DLG2: variants seen among roughly 807,000 people sequenced by gnomAD.
The protein encoded by DLG2 is disks large homolog 2.
In DLG2, 45 loss-of-function variants were observed where a neutral mutation model predicts 132.5. The observed-to-expected ratio is 0.34, with a 90% CI of 0.27 to 0.44. DLG2 has a LOEUF of 0.44. DLG2 is among the 20% of genes least tolerant of loss of function. The pLI, the probability that DLG2 is intolerant of heterozygous loss-of-function variation, is 1.00. For missense variants in DLG2, 1,045 were observed against 1,196.9 expected (o/e 0.87, Z 1.87); for synonymous variants, 424 against 419.6 (o/e 1.01, Z -0.13).
At position 85,003,685 on chromosome 11, in the gene DLG2, G is replaced by C. The variant is rs1316060702; in HGVS notation, c.357+107976C>G. On this transcript the variant is annotated intron_variant, in intron 6 of 27. Coordinates refer to ENST00000376104, the MANE Select transcript of DLG2 (RefSeq NM_001142699.3). The stretch of plus-strand genomic sequence containing the variant: ...TGATTTTTGCCATTGATAACTTCTA[G>C]TCCTATAGATAGATGGATAATTAGT... Among the ~76,000 whole-genome samples the C allele has an allele frequency of 3.3e-5, 5 of 151,962 alleles. No individual in the cohort carries two copies. The South Asian group carries it at 1.0e-3, about 32-fold the overall frequency.
rs114228867 is a variant in DLG2, at chr11:83,797,357, G to C, written c.1723-10565C>G. ...AATTCCCTTAGCCCTCATAACAACT[G>C]TGTGAAGTAAGAACACACAACAATC... On this transcript the variant is annotated intron_variant, in intron 17 of 27. Transcript: ENST00000376104. Among the ~76,000 whole-genome samples the C allele has an allele frequency of 3.4e-3, 525 of 152,240 alleles. 2 individuals carry two copies. Among genetic ancestry groups the C allele is most frequent in the African/African-American group, 0.012 (497 of 41,540 alleles).
intron 3 of DLG2, among the ~76,000 whole-genome samples, chr11:85,537,088 G>A (rs2075639435): frequency 6.6e-6 from 1 of 152,302 alleles, no homozygotes; most frequent in Non-Finnish European, 1.5e-5. Context: ...GGGACTTGGA[G>A]AACGTTTGCG....
chr11:85,311,705 G>C (rs894707120), intron 3 of DLG2, among the ~76,000 whole-genome samples: 4 of 151,938 alleles, frequency 2.6e-5, no homozygotes, highest in Non-Finnish European at 4.4e-5. Flanking sequence ...GAACCACACA[G>C]ACTAAATTTA....
chr11:84,426,382 G>A (rs1230483882), intron 7 of DLG2, among the ~76,000 whole-genome samples: 1 of 152,124 alleles, frequency 6.6e-6, no homozygotes, highest in African/African-American at 2.4e-5. Flanking sequence ...GTAGCATCAT[G>A]GTTAAGAATT....
At chr11:83,788,967 T>A (rs1302663176) in intron 17 of DLG2, among the ~76,000 whole-genome samples, 2 of 152,234 alleles carry the variant, frequency 1.3e-5, no homozygotes, top group Non-Finnish European at 2.9e-5. Flanking sequence ...AAATTGGTGG[T>A]AAACATTTCT....
chr11:83,650,254 G>A (rs753488136), intron 18 of DLG2, among the ~76,000 whole-genome samples: 56 of 152,260 alleles, frequency 3.7e-4, no homozygotes, highest in Admixed American at 6.5e-4. Context: ...TTTGAGATGG[G>A]GAGATTTTCC....
rs545792634 is a variant in DLG2, at chr11:83,918,661, C to A, written c.1496+11667G>T. Among the ~76,000 whole-genome samples, 4 of 152,194 alleles carry A rather than the reference C, an allele frequency of 2.6e-5. No homozygotes were observed. The East Asian group carries it at 7.7e-4, about 29-fold the overall frequency. On this transcript the variant is annotated intron_variant, in intron 15 of 27. Coordinates refer to ENST00000376104, the MANE Select transcript of DLG2 (RefSeq NM_001142699.3). ...AAATCAGGGCAGGGAACCTGGCCAGCACAGGAACAGAGCTGCTGTGGAAGA... is the reference window on the plus strand; with the variant it reads ...AAATCAGGGCAGGGAACCTGGCCAGAACAGGAACAGAGCTGCTGTGGAAGA...
chr11:83,725,115 C>T, intron 18 of DLG2: 1 of 547,760 alleles, frequency 1.8e-6, no homozygotes, highest in African/African-American at 1.9e-5. Context: ...GGATTATTTT[C>T]TCCGTTTTAA....
At chr11:85,454,997 G>T (rs570808628) in intron 3 of DLG2, among the ~76,000 whole-genome samples, 1 of 151,960 alleles carries the variant, frequency 6.6e-6, no homozygotes, top group African/African-American at 2.4e-5. Context: ...ATTGTTTGGG[G>T]TATTTGGATT....
intron 3 of DLG2, among the ~76,000 whole-genome samples, chr11:85,590,755 G>C (rs755883224): frequency 3.3e-5 from 5 of 151,802 alleles, no homozygotes. Context: ...GGAAAACCTA[G>C]ATGAGAAAGC....
At chr11:83,989,627 A>G (rs1377798148) in intron 11 of DLG2, among the ~76,000 whole-genome samples, 1 of 152,178 alleles carries the variant, frequency 6.6e-6, no homozygotes, top group East Asian at 1.9e-4. Flanking sequence ...TTTAAAACCA[A>G]CATGTCTTCA....
rs551002860 is a variant in DLG2 at position 84,769,474 on chromosome 11, G to C, written c.358-234743C>G. Among the ~76,000 whole-genome samples the C allele has an allele frequency of 2.6e-5, 4 of 152,044 alleles. No individual in the cohort carries two copies. In the East Asian group the frequency reaches 7.7e-4, roughly 29 times the overall value. On this transcript the variant is annotated intron_variant, in intron 6 of 27. Coordinates refer to ENST00000376104, the MANE Select transcript of DLG2 (RefSeq NM_001142699.3). ...ATGAACAAAGTCTCAGAGAAATATG[G>C]GATTATTTAAAGTGACCAAATATAT...
chr11:84,448,339 A>T (rs1167654775), intron 7 of DLG2, among the ~76,000 whole-genome samples: 1 of 152,088 alleles, frequency 6.6e-6, no homozygotes, highest in African/African-American at 2.4e-5. Flanking sequence ...CTACATAATC[A>T]ATTCCTTATG....
At chr11:85,017,664 A>C (rs17147910) in intron 6 of DLG2, among the ~76,000 whole-genome samples, 5,808 of 152,270 alleles carry the variant, frequency 0.038, 172 homozygotes, top group African/African-American at 0.067. Context: ...CTATTCCAGT[A>C]TGAGAAAAGT....
intron 18 of DLG2, among the ~76,000 whole-genome samples, chr11:83,644,885 T>A (rs868682988): frequency 6.6e-6 from 1 of 152,270 alleles, no homozygotes; most frequent in South Asian, 2.1e-4. Context: ...ATTCATTGCA[T>A]AGTACCATTT....
At chr11:85,400,761 A>G (rs1343253616) in intron 3 of DLG2, among the ~76,000 whole-genome samples, 1 of 151,334 alleles carries the variant, frequency 6.6e-6, no homozygotes, top group Non-Finnish European at 1.5e-5. Context: ...GAAGGGGAAC[A>G]TCACACTCTG....
chr11:84,557,866 C>G (rs1329904864), intron 6 of DLG2, among the ~76,000 whole-genome samples: 2 of 151,958 alleles, frequency 1.3e-5, no homozygotes, highest in Non-Finnish European at 2.9e-5. Context: ...GATATCTGTT[C>G]CGTGCTTTCT....
chr11:83,667,006 G>C (rs2075737182), intron 18 of DLG2, among the ~76,000 whole-genome samples: 1 of 152,260 alleles, frequency 6.6e-6, no homozygotes, highest in African/African-American at 2.4e-5. Flanking sequence ...GAACTGGCCT[G>C]GGCAAACTGC....
intron 6 of DLG2, among the ~76,000 whole-genome samples, chr11:84,880,283 A>G (rs577220337): frequency 1.1e-4 from 16 of 152,254 alleles, no homozygotes; most frequent in Admixed American, 7.2e-4. Flanking sequence ...GCCAGCCTTC[A>G]TTGGAATTGA....
Sources: gnomAD v4.1 joint callset for allele counts (sites outside exome capture counted in the v4.1 genomes callset) on GRCh38, gnomAD v4.1.1 for gene constraint, MANE v1.5 for transcripts, NCBI Gene and HGNC (gene_info 2026-07-23, HGNC 2026-07-21) for gene names.